DPP10: variants seen among roughly 807,000 people sequenced by gnomAD.
The protein encoded by DPP10 is inactive dipeptidyl peptidase 10.
Under a neutral mutation model 120.9 loss-of-function variants are expected in DPP10, and 33 were observed. The ratio of observed to expected loss-of-function variants is 0.27; its 90% CI spans 0.21 to 0.37. The LOEUF is 0.37. Among genes scored for constraint, DPP10 ranks in the 10% least tolerant of loss-of-function variants. The pLI, the probability that DPP10 is intolerant of heterozygous loss-of-function variation, is 1.00. For synonymous variants in DPP10, 337 were observed against 326.1 expected (o/e 1.03, Z -0.36); for missense variants, 816 against 942.8 (o/e 0.87, Z 1.76).
chr2:114,751,349 A>G (rs932904855), intron 1 of DPP10, among the ~76,000 whole-genome samples: 2 of 152,160 alleles, frequency 1.3e-5, no homozygotes, highest in Non-Finnish European at 2.9e-5. Context: ...CCTTTTTACA[A>G]TTTCTCCAAC....
chr2:115,743,306 G>A (rs941344871), intron 9 of DPP10, among the ~76,000 whole-genome samples: 2 of 152,030 alleles, frequency 1.3e-5, no homozygotes, highest in African/African-American at 4.8e-5. Context: ...GCAGCCTAAC[G>A]CTTAGTTGAG....
At chr2:115,411,004 C>T (rs1451326661) in intron 3 of DPP10, among the ~76,000 whole-genome samples, 5 of 151,732 alleles carry the variant, frequency 3.3e-5, no homozygotes, top group Non-Finnish European at 7.4e-5. Context: ...TATCAAGAGC[C>T]GTAGTATGAA....
At chr2:115,338,545 C>G (rs1167130704) in intron 2 of DPP10, among the ~76,000 whole-genome samples, 1 of 152,062 alleles carries the variant, frequency 6.6e-6, no homozygotes, top group Admixed American at 6.6e-5. Flanking sequence ...TAACCTTGAA[C>G]TAACTCCTCA....
At chr2:114,816,104 T>C (rs142333798) in intron 1 of DPP10, among the ~76,000 whole-genome samples, 6 of 152,328 alleles carry the variant, frequency 3.9e-5, no homozygotes, top group African/African-American at 1.4e-4. Flanking sequence ...ATTACAGTCT[T>C]GACCATGCAC....
At chr2:115,396,344 A>G (rs901737060) in intron 3 of DPP10, among the ~76,000 whole-genome samples, 7 of 152,218 alleles carry the variant, frequency 4.6e-5, no homozygotes, top group South Asian at 2.1e-4. Flanking sequence ...CTGTCCGAGT[A>G]TATTACTATG....
At chr2:115,387,597 T>A (rs139314246) in intron 3 of DPP10, among the ~76,000 whole-genome samples, 20 of 152,322 alleles carry the variant, frequency 1.3e-4, no homozygotes, top group African/African-American at 4.6e-4. Context: ...CCCAGTCACA[T>A]TGAAGTATAT....
intron 1 of DPP10, among the ~76,000 whole-genome samples, chr2:114,569,992 C>G (rs1362871128): frequency 6.6e-6 from 1 of 152,102 alleles, no homozygotes; most frequent in Non-Finnish European, 1.5e-5. Flanking sequence ...TATATTTGAA[C>G]TAAAGCAGAA....
intron 3 of DPP10, among the ~76,000 whole-genome samples, chr2:115,454,515 G>T (rs1444145377): frequency 6.6e-6 from 1 of 151,446 alleles, no homozygotes; most frequent in African/African-American, 2.4e-5. Flanking sequence ...GAAAAAAATT[G>T]AAAAATTCTA....
chr2:115,760,068 A>T (rs1679929167), intron 11 of DPP10, among the ~76,000 whole-genome samples: 1 of 152,170 alleles, frequency 6.6e-6, no homozygotes, highest in Admixed American at 6.6e-5. Flanking sequence ...TCCATTACAA[A>T]GTATTTGCAC....
At chr2:115,148,616 G>C (rs1415776771) in intron 1 of DPP10, among the ~76,000 whole-genome samples, 2 of 152,120 alleles carry the variant, frequency 1.3e-5, no homozygotes, top group East Asian at 3.9e-4. Context: ...TGTAGTCTCT[G>C]TCTTTTATTT....
At chr2:114,692,051 T>G (rs1699783909) in intron 1 of DPP10, among the ~76,000 whole-genome samples, 1 of 152,090 alleles carries the variant, frequency 6.6e-6, no homozygotes, top group Admixed American at 6.6e-5. Flanking sequence ...GATTCGTTTA[T>G]TTTTTGAAGG....
intron 1 of DPP10, among the ~76,000 whole-genome samples, chr2:114,961,321 T>C (rs1215812976): frequency 6.6e-6 from 1 of 152,108 alleles, no homozygotes; most frequent in East Asian, 1.9e-4. Flanking sequence ...CTCAAAGTGC[T>C]GAGATTAAAG....
chr2:114,728,713 C>A (rs540293863), intron 1 of DPP10, among the ~76,000 whole-genome samples: 1 of 152,164 alleles, frequency 6.6e-6, no homozygotes, highest in Admixed American at 6.5e-5. Context: ...ATTCTCTCTA[C>A]GTCCAATGAG....
rs185574674 is a variant in DPP10, at chr2:115,024,082, C to A, written c.61-285157C>A. Among the ~76,000 whole-genome samples, 534 of 151,980 alleles carry A rather than the reference C, an allele frequency of 3.5e-3. 3 individuals carry two copies. The highest frequency in any genetic ancestry group is 0.012 in the African/African-American group (511 of 41,462). On this transcript the variant is annotated intron_variant, in intron 1 of 25. Coordinates refer to ENST00000410059, the MANE Select transcript of DPP10 (RefSeq NM_020868.6). ...GTACACTGCTTGGGTGATGGGTGCA[C>A]CAAAATCTCAGAAATCACTGCTAAG...
At chr2:114,504,400 C>T (rs1413859445) in intron 1 of DPP10, among the ~76,000 whole-genome samples, 1 of 152,086 alleles carries the variant, frequency 6.6e-6, no homozygotes, top group Non-Finnish European at 1.5e-5. Flanking sequence ...CAGTTTTGCT[C>T]CACTTGATCT....
chr2:115,382,400 C>G (rs1003676883), intron 3 of DPP10, among the ~76,000 whole-genome samples: 1 of 152,202 alleles, frequency 6.6e-6, no homozygotes, highest in African/African-American at 2.4e-5. Context: ...TGAGGCAATG[C>G]CTCGCCCTGC....
At chr2:115,425,972 G>C (rs1335319679) in intron 3 of DPP10, among the ~76,000 whole-genome samples, 3 of 152,230 alleles carry the variant, frequency 2.0e-5, no homozygotes, top group African/African-American at 7.2e-5. Context: ...TTAATACCAT[G>C]AGGGCAGCAC....
At chr2:115,155,077 T>A (rs916607696) in intron 1 of DPP10, among the ~76,000 whole-genome samples, 2 of 151,262 alleles carry the variant, frequency 1.3e-5, no homozygotes, top group African/African-American at 4.9e-5. Context: ...ATTTTTTTTT[T>A]TTGGTATTCT....
At chr2:115,230,014 G>T (rs1390414853) in intron 1 of DPP10, among the ~76,000 whole-genome samples, 2 of 151,726 alleles carry the variant, frequency 1.3e-5, no homozygotes, top group Non-Finnish European at 2.9e-5. Flanking sequence ...TTTGAGTAGT[G>T]TGGACATTTT....
Sources: gnomAD v4.1 joint callset for allele counts (sites outside exome capture counted in the v4.1 genomes callset) on GRCh38, gnomAD v4.1.1 for gene constraint, MANE v1.5 for transcripts, NCBI Gene and HGNC (gene_info 2026-07-23, HGNC 2026-07-21) for gene names.